The following PDE4A variants were observed in gnomAD, a reference collection of about 807,000 sequenced individuals.
PDE4A encodes the protein phosphodiesterase 4A.
Under a neutral mutation model 73.9 loss-of-function variants are expected in PDE4A, and 21 were observed. The ratio of observed to expected loss-of-function variants is 0.28; its 90% CI spans 0.20 to 0.41. The LOEUF (loss-of-function observed/expected upper bound fraction) is 0.41, where lower values mean the gene tolerates loss of function less well. Ranked by LOEUF, PDE4A falls within the 10% of genes least tolerant of loss-of-function variation. PDE4A has a pLI of 1.00. For missense variants in PDE4A, 958 were observed against 1,211.4 expected, an observed-to-expected ratio of 0.79 and a Z score of 3.10; for synonymous variants, 463 against 505.4, an observed-to-expected ratio of 0.92 and a Z score of 1.13.
rs145207938 is a variant in PDE4A at position 10,467,333 on chromosome 19, G to C, written c.2373G>C (p.Val791=). ...CACAGTCCACAGGCAGTGCACCTGT[G>C]GCTCCGGATGAGTTCTCGTCCCGGG... ...QQAQSTGSAP[V]APDEFSSREE... Residue 791 remains valine (V), a synonymous_variant, in exon 15 of 15, where the codon GTG becomes GTC. Coordinates refer to ENST00000380702, the MANE Select transcript of PDE4A (RefSeq NM_001111307.2). 1.9e-6 allele frequency: 3 copies of C among 1,614,032 alleles called. No individual in the cohort carries two copies. The African/African-American group carries it at 4.0e-5, about 22-fold the overall frequency.
chr19:10,440,607 T>C (rs1296149578), intron 1 of PDE4A, among the ~76,000 whole-genome samples: 8 of 152,038 alleles, frequency 5.3e-5, no homozygotes, highest in Admixed American at 5.3e-4. Context: ...TATTTATTTA[T>C]GTATTTTTTG....
chr19:10,454,372 G>A (rs911026036), intron 6 of PDE4A, among the ~76,000 whole-genome samples: 3 of 152,242 alleles, frequency 2.0e-5, no homozygotes, highest in African/African-American at 7.2e-5. Context: ...TGGGTCAGGG[G>A]CAGCTCTAGG....
intron 4 of PDE4A, among the ~76,000 whole-genome samples, chr19:10,449,531 T>C (rs1441967186): frequency 2.0e-5 from 3 of 152,014 alleles, no homozygotes; most frequent in Non-Finnish European, 4.4e-5. Flanking sequence ...GGCTAATTTT[T>C]GTATTTTTAG....
At chr19:10,435,103 G>C (rs1050297377) in intron 1 of PDE4A, among the ~76,000 whole-genome samples, 27 of 151,742 alleles carry the variant, frequency 1.8e-4, no homozygotes, top group Admixed American at 1.6e-3. Context: ...TTTGTGTCCC[G>C]TCAGTCCCTG....
chr19:10,426,543 C>G (rs536981149), intron 1 of PDE4A, among the ~76,000 whole-genome samples: 1 of 152,072 alleles, frequency 6.6e-6, no homozygotes, highest in African/African-American at 2.4e-5. Context: ...TCCCTGCTGC[C>G]CTGAAATTGT....
In PDE4A at chr19:10,461,016, G is replaced by A. The variant is rs1276961545; in HGVS notation, c.1378G>A (p.Asp460Asn). The A allele has an allele frequency of 6.2e-7, 1 of 1,613,478 alleles. No individual in the cohort carries two copies. The highest frequency in any genetic ancestry group is 1.1e-5 in the South Asian group (1 of 91,070). The change falls in exon 11 of 15, where the codon GAC (aspartate) becomes AAC (asparagine). Residue 460 changes from aspartate to asparagine, a missense_variant. By Grantham distance (23) the Asp-to-Asn change is conservative. Coordinates refer to ENST00000380702, the MANE Select transcript of PDE4A (RefSeq NM_001111307.2). ...ATPALDAVFT[D>N]LEILAALFAA... ...TCTCTGCTCCCAGGCAGTGTTCACG[G>A]ACCTGGAGATTCTCGCCGCCCTCTT...
intron 1 of PDE4A, chr19:10,427,619 A>G (rs1283305244): frequency 3.0e-6 from 3 of 985,008 alleles, no homozygotes; most frequent in Non-Finnish European, 3.6e-6. Flanking sequence ...GTGTAGCCTC[A>G]TGGCTAAAAT....
At position 10,453,612 on chromosome 19, in the gene PDE4A, C is replaced by G. The variant is rs1384841680; in HGVS notation, c.784-1217C>G. Among the ~76,000 whole-genome samples, 1 of 152,024 alleles carries G rather than the reference C, an allele frequency of 6.6e-6. No individual in the cohort carries two copies. Among genetic ancestry groups the G allele is most frequent in the Non-Finnish European group, 1.5e-5 (1 of 67,986 alleles). On this transcript the variant is annotated intron_variant, in intron 6 of 14. Coordinates refer to ENST00000380702, the MANE Select transcript of PDE4A (RefSeq NM_001111307.2). This position sits in a 1 kb window ranked among gnomAD's most constrained non-coding sequence, Gnocchi z 4.6. ...TCTGCCTGAGTATAGGCTTGTTTGC[C>G]TGGGTCACTGTGTGGCCCTGTCTGA...
rs1448801776 is a variant in PDE4A, at chr19:10,424,433, C to A, written c.320+3349C>A. On this transcript the variant is annotated intron_variant, in intron 1 of 14. Coordinates refer to ENST00000380702, the MANE Select transcript of PDE4A (RefSeq NM_001111307.2). The surrounding 1 kb of genome is among the most constrained non-coding windows in gnomAD (Gnocchi z 4.8). Reference sequence around the variant, plus strand: ...GTCCTCGCCTCCCCCTTGTCCCTGGCGCTCCCAAGTCCCTGGATGTGGGTT... The same window carrying A: ...GTCCTCGCCTCCCCCTTGTCCCTGGAGCTCCCAAGTCCCTGGATGTGGGTT... Among the ~76,000 whole-genome samples, 1 of 152,180 alleles carries A rather than the reference C, an allele frequency of 6.6e-6. No homozygotes were observed.
intron 2 of PDE4A, 147 bp from the exon 3 acceptor site, chr19:10,448,770 C>T: frequency 6.8e-7 from 1 of 1,467,708 alleles, no homozygotes. Context: ...CACATATCCA[C>T]CCTTATGCAG....
At chr19:10,438,624 TG>T (rs2042897100) in intron 1 of PDE4A, among the ~76,000 whole-genome samples, 1 of 152,118 alleles carries the variant, frequency 6.6e-6, no homozygotes, top group South Asian at 2.1e-4. Flanking sequence ...TGTTTGTTTT[TG>T]AGACAGAGTT....
At chr19:10,426,885 T>C (rs1422690441) in intron 1 of PDE4A, among the ~76,000 whole-genome samples, 1 of 145,548 alleles carries the variant, frequency 6.9e-6, no homozygotes, top group African/African-American at 2.5e-5. Flanking sequence ...AAAAAAGAAA[T>C]AGCAAGTAAA....
chr19:10,464,123 A>C, intron 14 of PDE4A, 148 bp downstream of exon 14: 6 of 1,035,766 alleles, frequency 5.8e-6, no homozygotes, highest in Non-Finnish European at 8.5e-6. Context: ...TTTGAGACGG[A>C]GTCTCATTCT....
At chr19:10,446,752 GC>G (rs2043011489) in intron 2 of PDE4A, among the ~76,000 whole-genome samples, 1 of 151,942 alleles carries the variant, frequency 6.6e-6, no homozygotes, top group Non-Finnish European at 1.5e-5. Context: ...CAGCCATCAT[GC>G]CTGGCTAATT....
At chr19:10,465,683 CTTTTTTTTTTTTTTTTTTTTTT>C (rs749126870) in intron 14 of PDE4A, among the ~76,000 whole-genome samples, 1 of 48,366 alleles carries the variant, frequency 2.1e-5, no homozygotes, top group African/African-American at 8.1e-5. Flanking sequence ...GTGGCTTTAG[CTTTTTTTTTTTTTTTTTTTTTT>C]TTTTTTTTTT....
chr19:10,431,432 C>G (rs1444591633), intron 1 of PDE4A, among the ~76,000 whole-genome samples: 1 of 152,218 alleles, frequency 6.6e-6, no homozygotes, highest in Non-Finnish European at 1.5e-5. Context: ...TGGGGCCAGT[C>G]ATGCCTTCTG....
intron 7 of PDE4A, among the ~76,000 whole-genome samples, chr19:10,455,185 G>A (rs138221509): frequency 3.9e-5 from 6 of 152,210 alleles, no homozygotes; most frequent in Non-Finnish European, 5.9e-5. Context: ...TCCAAGCGCC[G>A]GGCGCGGTGG....
At chr19:10,434,088 G>T (rs2042831582) in intron 1 of PDE4A, among the ~76,000 whole-genome samples, 1 of 152,068 alleles carries the variant, frequency 6.6e-6, no homozygotes, top group Non-Finnish European at 1.5e-5. Context: ...AATTTTAAAA[G>T]AAATCCATGC....
intron 11 of PDE4A, 86 bp from the exon 12 acceptor site, chr19:10,461,440 G>T: frequency 6.4e-7 from 1 of 1,566,340 alleles, no homozygotes; most frequent in Non-Finnish European, 8.6e-7. Context: ...GCTGGGGAGG[G>T]GTTAGCTAGT....
Sources: allele counts gnomAD v4.1 joint callset (sites outside exome capture counted in the v4.1 genomes callset), GRCh38; gene constraint gnomAD v4.1.1; non-coding constraint Gnocchi (gnomAD v3.1); transcripts MANE v1.5; gene names NCBI Gene and HGNC (gene_info 2026-07-23, HGNC 2026-07-21).